MME: variants seen among roughly 807,000 people sequenced by gnomAD.
MME encodes the protein membrane metalloendopeptidase.
A neutral mutation model predicts 113.2 loss-of-function variants in MME; 98 were observed. The observed-to-expected ratio is 0.87, with a 90% CI of 0.74 to 1.02. The LOEUF is 1.02. MME is among the 50% of genes least tolerant of loss of function. The pLI, the probability that MME is intolerant of heterozygous loss-of-function variation, is 0.00. For missense variants in MME, 836 were observed against 896.0 expected (o/e 0.93, Z 0.86); for synonymous variants, 292 against 300.6 (o/e 0.97, Z 0.30).
upstream of MME, among the ~76,000 whole-genome samples, chr3:155,076,540 A>C (rs1305229977): frequency 6.6e-6 from 1 of 152,246 alleles, no homozygotes; most frequent in Non-Finnish European, 1.5e-5. Context: ...ATCTTGATCC[A>C]GACCCCAAAA....
intron 1 of MME, among the ~76,000 whole-genome samples, chr3:155,064,700 G>A (rs1032876040): frequency 3.3e-5 from 5 of 152,118 alleles, no homozygotes; most frequent in African/African-American, 4.8e-5. Flanking sequence ...TCCTAGATAT[G>A]TTCTTAATTT....
intron 3 of MME, among the ~76,000 whole-genome samples, chr3:155,092,120 A>T (rs1005852632): frequency 6.6e-6 from 1 of 152,180 alleles, no homozygotes; most frequent in African/African-American, 2.4e-5. Flanking sequence ...AACAGATTGG[A>T]TGATGCTCAG....
At chr3:155,177,254 C>A (rs1712632143) in intron 22 of MME, among the ~76,000 whole-genome samples, 1 of 152,162 alleles carries the variant, frequency 6.6e-6, no homozygotes, top group Admixed American at 6.5e-5. Flanking sequence ...TGCAGCTCTT[C>A]CAGTCAGTGA....
chr3:155,137,637 T>C (rs1248233355), intron 8 of MME, among the ~76,000 whole-genome samples: 1 of 151,990 alleles, frequency 6.6e-6, no homozygotes, highest in Non-Finnish European at 1.5e-5. Context: ...ACCATAGAGA[T>C]GTAGGTTGCA....
chr3:155,115,641 C>T (rs1718542221), intron 4 of MME, among the ~76,000 whole-genome samples: 1 of 152,208 alleles, frequency 6.6e-6, no homozygotes, highest in Non-Finnish European at 1.5e-5. Context: ...GTTGGCCAAG[C>T]TGGTCTTGAA....
chr3:155,154,792 A>G (rs1476441802), intron 16 of MME, among the ~76,000 whole-genome samples: 5 of 152,192 alleles, frequency 3.3e-5, no homozygotes, highest in Non-Finnish European at 5.9e-5. Flanking sequence ...CAGCAGTGGA[A>G]AGTTGATAGT....
At chr3:155,168,025 A>C (rs1385479) in intron 18 of MME, among the ~76,000 whole-genome samples, 1 of 152,020 alleles carries the variant, frequency 6.6e-6, no homozygotes. Flanking sequence ...GTGGTTGGCA[A>C]GGAAGCTGTA....
intron 16 of MME, among the ~76,000 whole-genome samples, chr3:155,154,088 C>T (rs1331927805): frequency 6.6e-6 from 1 of 152,096 alleles, no homozygotes; most frequent in Non-Finnish European, 1.5e-5. Context: ...ATCAATATGT[C>T]AGCATTTAAA....
chr3:155,127,170 A>G (rs1165834579), intron 8 of MME, among the ~76,000 whole-genome samples: 1 of 152,194 alleles, frequency 6.6e-6, no homozygotes, highest in Non-Finnish European at 1.5e-5. Context: ...CAGTAAAAAC[A>G]CAAATACAGT....
chr3:155,085,267 A>G lies in MME; in HGVS notation c.196+173A>G, dbSNP rs1228485763. ...ATATATTTAAGTAGTAGATTAATTA[A>G]CTTGTTTACTCTGAAAAATATATTA... On this transcript the variant is annotated intron_variant, in intron 3 of 22. Transcript: ENST00000360490. 8.0e-6 allele frequency: 4 copies of G among 501,714 alleles called. No individual in the cohort carries two copies. In the East Asian group the frequency reaches 1.3e-4, roughly 16 times the overall value. 31.1% of individuals were successfully genotyped at this position (501,714 alleles called of 1,614,324 possible).
chr3:155,060,862 A>AGAGT (rs1553751153), intron 1 of MME, among the ~76,000 whole-genome samples: 2 of 147,440 alleles, frequency 1.4e-5, no homozygotes, highest in African/African-American at 5.3e-5. Context: ...AGAGAGAGTG[A>AGAGT]GAGAGAGAGA....
At chr3:155,075,039 T>G (rs1714700161), upstream of MME, among the ~76,000 whole-genome samples, 1 of 151,942 alleles carries the variant, frequency 6.6e-6, no homozygotes, top group East Asian at 1.9e-4. Flanking sequence ...ACATATCAAA[T>G]ATTGAGAAAG....
intron 2 of MME, 85 bp downstream of exon 2, chr3:155,084,412 G>A: frequency 1.4e-6 from 2 of 1,398,538 alleles, no homozygotes; most frequent in South Asian, 1.2e-5. Flanking sequence ...TCCAACGAAT[G>A]TGTTAAGGAT....
chr3:155,102,867 T>C (rs1375176382), intron 3 of MME, among the ~76,000 whole-genome samples: 1 of 152,176 alleles, frequency 6.6e-6, no homozygotes, highest in African/African-American at 2.4e-5. Context: ...CTTCCTCCTT[T>C]ATCCCTTCTT....
chr3:155,172,515 T>A (rs201948073), intron 21 of MME, 21 bp from the exon 22 acceptor site: 41 of 1,586,138 alleles, frequency 2.6e-5, no homozygotes, highest in Non-Finnish European at 3.3e-5. Context: ...CATGCTTTGC[T>A]TTTCCTATTC....
At chr3:155,083,259 C>A (rs1187828076) in intron 1 of MME, among the ~76,000 whole-genome samples, 1 of 152,164 alleles carries the variant, frequency 6.6e-6, no homozygotes, top group African/African-American at 2.4e-5. Flanking sequence ...CGTTGCCTGA[C>A]TTCTCTGTGC....
chr3:155,105,393 T>C (rs1717603204), intron 3 of MME, among the ~76,000 whole-genome samples: 1 of 152,228 alleles, frequency 6.6e-6, no homozygotes, highest in Admixed American at 6.5e-5. Context: ...CATTTGGAGT[T>C]AAGGCAGAAT....
At chr3:155,160,799 G>A (rs1722663389) in intron 17 of MME, among the ~76,000 whole-genome samples, 1 of 151,828 alleles carries the variant, frequency 6.6e-6, no homozygotes. Flanking sequence ...GACTCATTAA[G>A]CATTAGCTTC....
At chr3:155,091,326 A>G (rs991944704) in intron 3 of MME, among the ~76,000 whole-genome samples, 3 of 152,250 alleles carry the variant, frequency 2.0e-5, no homozygotes, top group Non-Finnish European at 4.4e-5. Context: ...ATACACAAAT[A>G]TATAACATGT....
Sources: allele counts gnomAD v4.1 joint callset (sites outside exome capture counted in the v4.1 genomes callset), GRCh38; gene constraint gnomAD v4.1.1; transcripts MANE v1.5; gene names NCBI Gene and HGNC (gene_info 2026-07-23, HGNC 2026-07-21).